Variants in CHRNA2 observed in about 807,000 individuals in gnomAD.
CHRNA2 encodes cholinergic receptor nicotinic alpha 2 subunit, also known as neuronal acetylcholine receptor subunit alpha-2.
CHRNA2 carries 40 observed loss-of-function variants against 45.5 expected under a neutral mutation model. The observed-to-expected ratio is 0.88, with a 90% CI of 0.68 to 1.15. The LOEUF (loss-of-function observed/expected upper bound fraction) is 1.15, where lower values mean the gene tolerates loss of function less well. Among genes scored for constraint, CHRNA2 ranks in the 50% most tolerant of loss-of-function variants. The pLI, the probability that CHRNA2 is intolerant of heterozygous loss-of-function variation, is 0.00. For synonymous variants in CHRNA2, 301 were observed against 296.7 expected, an observed-to-expected ratio of 1.01 and a Z score of -0.15; for missense variants, 655 against 701.7, an observed-to-expected ratio of 0.93 and a Z score of 0.75.
At chr8:27,472,579 C>T (rs2741342) in intron 1 of CHRNA2, among the ~76,000 whole-genome samples, 40,047 of 152,010 alleles carry the variant, frequency 0.26, 5,541 homozygotes, top group East Asian at 0.43. Context: ...TATGATCCTA[C>T]TGATATGGAA....
intron 4 of CHRNA2, 126 bp from the exon 5 acceptor site, chr8:27,467,464 CCAG>C (rs1812735749): frequency 1.4e-6 from 1 of 715,786 alleles, no homozygotes; most frequent in Non-Finnish European, 2.4e-6. Context: ...GGCTCCCCAC[CCAG>C]CCCAGAATAG....
chr8:27,462,936 G>C, intron 6 of CHRNA2, 43 bp downstream of exon 6: 1 of 1,613,016 alleles, frequency 6.2e-7, no homozygotes, highest in Non-Finnish European at 8.5e-7. Flanking sequence ...CCGCTAAGTT[G>C]GTGGGGCCAC....
rs756346427 is a variant in CHRNA2, at chr8:27,470,008, C to T, written c.74-27G>A. 30 of 1,595,998 alleles carry T rather than the reference C, an allele frequency of 1.9e-5. No individual in the cohort carries two copies. The Middle Eastern group carries it at 2.5e-3, about 132-fold the overall frequency. On this transcript the variant is annotated intron_variant, in intron 2 of 6. Transcript: ENST00000407991. ...TGCCATCAAATCAGAGCCACTCAGC[C>T]TCACTGAGCCTCAGTTTGCTCATCT... is the stretch of plus-strand genomic sequence containing the variant.
In CHRNA2 at chr8:27,463,237, G is replaced by A. The variant is rs2132651160; in HGVS notation, c.1206C>T (p.His402=). ...PLRLKLSPSY[H]WLESNVDAEE... ...CGGCATCCACGTTGCTCTCCAGCCA[G>A]TGATAAGAGGGGCTGAGCTTCAGGC... The change falls in exon 6 of 7, where the codon CAC becomes CAT. Residue 402 remains histidine, a synonymous_variant. Transcript: ENST00000407991. The surrounding 1 kb of genome is among the most constrained non-coding windows in gnomAD (Gnocchi z 6.1). 6.3e-7 allele frequency: 1 copy of A among 1,594,264 alleles called. No homozygotes were observed. Among genetic ancestry groups the A allele is most frequent in the Non-Finnish European group, 8.6e-7 (1 of 1,167,434 alleles).
chr8:27,461,673 T>C lies in CHRNA2; in HGVS notation c.1546A>G (p.Thr516Ala). ...AACGGAGGCAGAAAGAGGCCGATGG[T>C]CCCCAGGAAGCAGACGATGATAAAC... ...WLFIIVCFLG[T>A]IGLFLPPFLA... is the part of the protein sequence containing the mutation. Residue 516 changes from threonine (T) to alanine (A), a missense_variant, in exon 7 of 7, where the codon ACC (threonine) becomes GCC (alanine). Around this residue, in one of 3 missense-constraint regions of CHRNA2, gnomAD observed 295 missense variants for 280.4 expected, o/e 1.05. Transcript: ENST00000407991. 2 of 1,614,088 alleles carry C rather than the reference T, an allele frequency of 1.2e-6. No homozygotes were observed. The highest frequency in any genetic ancestry group is 1.7e-6 in the Non-Finnish European group (2 of 1,180,010).
intron 1 of CHRNA2, among the ~76,000 whole-genome samples, chr8:27,473,901 C>G (rs1461675497): frequency 6.6e-6 from 1 of 152,206 alleles, no homozygotes; most frequent in Non-Finnish European, 1.5e-5. Flanking sequence ...ATCCTAACCT[C>G]CTGGCAGGAG....
Position 27,463,367 on chromosome 8 carries a change from G to A in CHRNA2, c.1076C>T (p.Thr359Ile), listed in dbSNP as rs888935641. 1.2e-6 allele frequency: 2 copies of A among 1,613,954 alleles called. No homozygotes were observed. The highest frequency in any genetic ancestry group is 1.3e-5 in the African/African-American group (1 of 74,924). Residue 359 changes from threonine (T) to isoleucine (I), a missense_variant, in exon 6 of 7, where the codon ACC becomes ATC. Thr to Ile is a moderately conservative substitution (Grantham distance 89). Around this residue, in one of 3 missense-constraint regions of CHRNA2, gnomAD observed 295 missense variants for 280.4 expected, o/e 1.05. Transcript: ENST00000407991. This position sits in a 1 kb window ranked among gnomAD's most constrained non-coding sequence, Gnocchi z 6.1. ...VLNVHHRSPS[T>I]HTMPHWVRGA... ...CCGCACCCAGTGGGGCATGGTGTGGGTGCTGGGGGAGCGGTGGTGCACATT... is the reference window on the plus strand; with the variant it reads ...CCGCACCCAGTGGGGCATGGTGTGGATGCTGGGGGAGCGGTGGTGCACATT...
Position 27,461,459 on chromosome 8 carries a change from TG to T in CHRNA2, c.*169del. ...TTTGCACCCAGCAGGCTGTCAGCCC[TG>T]GTACAATAACGTTAAGCTGGATGGA... On this transcript the variant is annotated 3_prime_UTR_variant, in exon 7 of 7. Transcript: ENST00000407991. 1 of 932,308 alleles carries T rather than the reference TG, an allele frequency of 1.1e-6. No individual in the cohort carries two copies. Among genetic ancestry groups the T allele is most frequent in the Non-Finnish European group, 1.6e-6 (1 of 623,836 alleles). 57.8% of individuals were successfully genotyped at this position (932,308 alleles called of 1,614,324 possible).
chr8:27,477,205 C>G (rs1046802143), intron 1 of CHRNA2: 2 of 152,142 alleles, frequency 1.3e-5, no homozygotes, highest in African/African-American at 2.4e-5. Context: ...TCTGTCATTG[C>G]TAAGCCACCA....
rs1563315936 is a variant in CHRNA2, at chr8:27,461,675, C to T, written c.1544G>A (p.Gly515Glu). The change falls in exon 7 of 7, where the codon GGG becomes GAG. Residue 515 changes from glycine (G) to glutamate (E), a missense_variant. By Grantham distance (98) the Gly-to-Glu change is moderately conservative. Around this residue, in one of 3 missense-constraint regions of CHRNA2, gnomAD observed 295 missense variants for 280.4 expected, o/e 1.05. Transcript: ENST00000407991. ...CGGAGGCAGAAAGAGGCCGATGGTCCCCAGGAAGCAGACGATGATAAACAG... is the reference window on the plus strand; with the variant it reads ...CGGAGGCAGAAAGAGGCCGATGGTCTCCAGGAAGCAGACGATGATAAACAG... ...LWLFIIVCFL[G>E]TIGLFLPPFL... 1 of 1,614,186 alleles carries T rather than the reference C, an allele frequency of 6.2e-7. No individual in the cohort carries two copies. The highest frequency in any genetic ancestry group is 1.3e-5 in the African/African-American group (1 of 75,038).
intron 6 of CHRNA2, 35 bp from the exon 7 acceptor site, chr8:27,461,789 G>T (rs1221182106): frequency 7.4e-6 from 12 of 1,613,700 alleles, no homozygotes; most frequent in Non-Finnish European, 1.0e-5. Flanking sequence ...ACAGGGGCCA[G>T]GCCTGGGAAA....
In CHRNA2 at chr8:27,460,312, A is replaced by G. The variant is rs1288882902; in HGVS notation, c.*1317T>C. 6.6e-6 allele frequency: 1 copy of G among 152,152 alleles called. No individual in the cohort carries two copies. The highest frequency in any genetic ancestry group is 6.5e-5 in the Admixed American group (1 of 15,278). The allele number at this position is 152,152 out of a possible 1,614,324, so 9.4% of individuals were successfully genotyped here. A position where few individuals can be genotyped will look rare whatever the true frequency, so the allele number is the denominator to read the frequency against. On this transcript the variant is annotated 3_prime_UTR_variant, in exon 7 of 7. Transcript: ENST00000407991. ...CTCAGACTGTGGGGTGGTGCATTGC[A>G]TTCCAAGGTGCACACACAGGCTGCT... is the stretch of plus-strand genomic sequence containing the variant.
At chr8:27,477,540 G>A (rs1386164390) in intron 1 of CHRNA2, among the ~76,000 whole-genome samples, 1 of 152,188 alleles carries the variant, frequency 6.6e-6, no homozygotes, top group African/African-American at 2.4e-5. Flanking sequence ...AGTGACTCTA[G>A]AGGATGTATT....
At chr8:27,464,436 C>A (rs1660644521) in intron 5 of CHRNA2, among the ~76,000 whole-genome samples, 1 of 151,998 alleles carries the variant, frequency 6.6e-6, no homozygotes, top group Non-Finnish European at 1.5e-5. Flanking sequence ...TGAATAGACA[C>A]AAGGCCAGCC....
At chr8:27,469,419 G>T in intron 3 of CHRNA2, 40 bp from the exon 4 acceptor site, 1 of 1,546,074 alleles carries the variant, frequency 6.5e-7, no homozygotes, top group Non-Finnish European at 8.8e-7. Flanking sequence ...AAAGGGGTGG[G>T]CCCAGCCCCA....
chr8:27,462,171 G>A (rs1167732978), intron 6 of CHRNA2, among the ~76,000 whole-genome samples: 1 of 152,246 alleles, frequency 6.6e-6, no homozygotes. Flanking sequence ...TGGGGAGAGG[G>A]AAACAGGCGA....
At chr8:27,472,726 C>T (rs901676510) in intron 1 of CHRNA2, among the ~76,000 whole-genome samples, 10 of 152,268 alleles carry the variant, frequency 6.6e-5, no homozygotes, top group East Asian at 1.9e-4. Flanking sequence ...TGGAACTAGA[C>T]GGTGTGATGT....
chr8:27,475,334 G>T (rs1323041780), intron 1 of CHRNA2: 1 of 152,230 alleles, frequency 6.6e-6, no homozygotes, highest in African/African-American at 2.4e-5. Flanking sequence ...AACAAATGTG[G>T]TCTATCCATA....
At chr8:27,476,518 G>T (rs1383342519) in intron 1 of CHRNA2, among the ~76,000 whole-genome samples, 2 of 152,192 alleles carry the variant, frequency 1.3e-5, no homozygotes, top group East Asian at 1.9e-4. Flanking sequence ...ATACCCAGGG[G>T]AAACTGCAGA....
Sources: allele counts gnomAD v4.1 joint callset (sites outside exome capture counted in the v4.1 genomes callset), GRCh38; gene constraint gnomAD v4.1.1; regional missense constraint gnomAD v4.1.1; non-coding constraint Gnocchi (gnomAD v3.1); transcripts MANE v1.5; gene names NCBI Gene and HGNC (gene_info 2026-07-23, HGNC 2026-07-21).